UBAP1: variants seen among roughly 807,000 people sequenced by gnomAD.
The protein encoded by UBAP1 is ubiquitin associated protein 1.
Under a neutral mutation model 39.0 loss-of-function variants are expected in UBAP1, and 5 were observed. The ratio of observed to expected loss-of-function variants is 0.13; its 90% CI spans 0.07 to 0.27. The LOEUF (loss-of-function observed/expected upper bound fraction) is 0.27, where lower values mean the gene tolerates loss of function less well. Among genes scored for constraint, UBAP1 ranks in the 10% least tolerant of loss-of-function variants. The pLI is 1.00. For missense variants in UBAP1, 490 were observed against 608.1 expected (o/e 0.81, Z 2.04); for synonymous variants, 211 against 225.1 (o/e 0.94, Z 0.56).
chr9:34,187,973 TA>T (rs992368372), intron 1 of UBAP1, among the ~76,000 whole-genome samples: 13 of 152,148 alleles, frequency 8.5e-5, no homozygotes, highest in African/African-American at 2.9e-4. Context: ...TTAAAGCTGC[TA>T]AAAAACATTT....
intron 1 of UBAP1, among the ~76,000 whole-genome samples, chr9:34,202,027 A>ATCCT (rs1831401498): frequency 6.6e-6 from 1 of 152,058 alleles, no homozygotes; most frequent in Admixed American, 6.6e-5. Flanking sequence ...GACTTTCCAT[A>ATCCT]TCCTCCCTGG....
chr9:34,243,690 A>T (rs1048378070), intron 4 of UBAP1, among the ~76,000 whole-genome samples: 5 of 152,002 alleles, frequency 3.3e-5, no homozygotes, highest in African/African-American at 1.2e-4. Flanking sequence ...GGGTTTCGCC[A>T]TGTTGGCCAG....
chr9:34,182,322 T>A (rs146482576), intron 1 of UBAP1, among the ~76,000 whole-genome samples: 1 of 143,938 alleles, frequency 6.9e-6, no homozygotes, highest in Non-Finnish European at 1.5e-5. Context: ...GTAGCTGGGA[T>A]TACAGGCACC....
rs544239904 is a variant in UBAP1 at position 34,204,199 on chromosome 9, C to T, written c.-7-16709C>T. On this transcript the variant is annotated intron_variant, in intron 1 of 6. Transcript: ENST00000297661. ...AAAATTAGCTGGGTGTGATGGCCCA[C>T]GCCTGTAATCCCAGCTACTCGGGAG... is the stretch of plus-strand genomic sequence containing the variant. Among the ~76,000 whole-genome samples, 9 of 152,196 alleles carry T rather than the reference C, an allele frequency of 5.9e-5. No individual in the cohort carries two copies. In the East Asian group the frequency reaches 1.7e-3, roughly 29 times the overall value.
chr9:34,215,628 A>G (rs1310493429), intron 1 of UBAP1, among the ~76,000 whole-genome samples: 2 of 152,062 alleles, frequency 1.3e-5, no homozygotes, highest in Non-Finnish European at 2.9e-5. Flanking sequence ...ACAAATCACC[A>G]CTAAGGAACT....
At chr9:34,213,465 C>T (rs547231636) in intron 1 of UBAP1, among the ~76,000 whole-genome samples, 112 of 152,166 alleles carry the variant, frequency 7.4e-4, no homozygotes, top group Admixed American at 3.3e-3. Context: ...GAGCCGAGAT[C>T]GCACCATTGC....
chr9:34,231,127 A>ATGTGTGGTG (rs1410985520), intron 2 of UBAP1, among the ~76,000 whole-genome samples: 59 of 137,122 alleles, frequency 4.3e-4, no homozygotes, highest in African/African-American at 1.5e-3. Context: ...TAAAAAAATT[A>ATGTGTGGTG]TGTGTGTGTG....
At chr9:34,244,418 A>C (rs1587885195) in intron 4 of UBAP1, among the ~76,000 whole-genome samples, 1 of 117,962 alleles carries the variant, frequency 8.5e-6, no homozygotes, top group Non-Finnish European at 1.7e-5. Flanking sequence ...GTGTACGAGC[A>C]CCACATTTTT....
Position 34,202,631 on chromosome 9 carries a change from G to C in UBAP1, c.-7-18277G>C, listed in dbSNP as rs1415827454. ...AGAAGCTGTAGACAGAAACGTGTGT[G>C]TGTGTGTGTGTGTGTGTGTGTGTGT... On this transcript the variant is annotated intron_variant, in intron 1 of 6. Coordinates refer to ENST00000297661, the MANE Select transcript of UBAP1 (RefSeq NM_016525.5). Among the ~76,000 whole-genome samples, 60 of 93,258 alleles carry C rather than the reference G, an allele frequency of 6.4e-4. 6 individuals are homozygous for C. The highest frequency in any genetic ancestry group is 1.6e-3 in the Admixed American group (15 of 9,404). 61.2% of individuals were successfully genotyped at this position (93,258 alleles called of 152,430 possible). A position where few individuals can be genotyped will look rare whatever the true frequency, so the allele number is the denominator to read the frequency against.
intron 2 of UBAP1, among the ~76,000 whole-genome samples, chr9:34,226,279 G>A (rs912792672): frequency 5.3e-5 from 8 of 149,882 alleles, no homozygotes; most frequent in African/African-American, 2.0e-4. Flanking sequence ...GCCCATGCTG[G>A]AGTGCAGTGG....
rs1332592565 is a variant in UBAP1 at position 34,247,423 on chromosome 9, CTTA to C, written c.1084-2353_1084-2351del. ...ACAATTAATAAATATATCTTTTTTTCTTATTTATTTATTTATTTAGAGACGGTG... is the reference window on the plus strand; with the variant it reads ...ACAATTAATAAATATATCTTTTTTTCTTTATTTATTTATTTAGAGACGGTG... On this transcript the variant is annotated intron_variant, in intron 4 of 6. Transcript: ENST00000297661. 2.6e-5 allele frequency among the ~76,000 whole-genome samples: 4 copies of C among 151,646 alleles called. No individual in the cohort carries two copies. The East Asian group carries it at 7.7e-4, about 29-fold the overall frequency.
intron 2 of UBAP1, among the ~76,000 whole-genome samples, chr9:34,225,574 CAGACCA>C (rs1832999759): frequency 6.6e-6 from 1 of 151,412 alleles, no homozygotes; most frequent in African/African-American, 2.4e-5. Context: ...TCAGGAGATC[CAGACCA>C]TCCTGGCTAA....
At chr9:34,221,833 A>G (rs568634400) in intron 2 of UBAP1, among the ~76,000 whole-genome samples, 21 of 152,234 alleles carry the variant, frequency 1.4e-4, no homozygotes, top group Non-Finnish European at 1.5e-5. Flanking sequence ...TTTGGAGGGG[A>G]ATGGAGGGAG....
chr9:34,233,244 C>CA (rs1348270052), intron 2 of UBAP1, among the ~76,000 whole-genome samples: 1 of 127,944 alleles, frequency 7.8e-6, no homozygotes, highest in Non-Finnish European at 1.7e-5. Context: ...TTTTTTGAGA[C>CA]AGAGTCTTGC....
chr9:34,190,143 T>C (rs1830633233), intron 1 of UBAP1, among the ~76,000 whole-genome samples: 1 of 152,210 alleles, frequency 6.6e-6, no homozygotes, highest in Non-Finnish European at 1.5e-5. Flanking sequence ...AGTTTACCTA[T>C]GTAACAAACC....
Position 34,241,340 on chromosome 9 carries a change from C to T in UBAP1, c.315C>T (p.Ser105=). ...AGGGCGATAGCAAAATGAGCTTCTCCAAGACTCACAGTACAGCCACAATGC... is the reference window on the plus strand; with the variant it reads ...AGGGCGATAGCAAAATGAGCTTCTCTAAGACTCACAGTACAGCCACAATGC... The part of the protein sequence containing the change: ...GPEGDSKMSF[S]KTHSTATMPP... The change falls in exon 4 of 7, where the codon TCC becomes TCT. Residue 105 remains serine, a synonymous_variant. Coordinates refer to ENST00000297661, the MANE Select transcript of UBAP1 (RefSeq NM_016525.5). 6.6e-7 allele frequency: 1 copy of T among 1,523,244 alleles called. No homozygotes were observed. The highest frequency in any genetic ancestry group is 2.3e-5 in the East Asian group (1 of 44,150). 94.4% of individuals were successfully genotyped at this position (1,523,244 alleles called of 1,614,324 possible). A position where few individuals can be genotyped will look rare whatever the true frequency, so the allele number is the denominator to read the frequency against.
chr9:34,234,076 G>A, intron 2 of UBAP1, 140 bp from the exon 3 acceptor site: 1 of 790,530 alleles, frequency 1.3e-6, no homozygotes, highest in Non-Finnish European at 1.9e-6. Context: ...TCAAGGAAAA[G>A]GTAAGCAGTC....
rs375213854 is a variant in UBAP1, at chr9:34,249,868, C to T, written c.1173C>T (p.Ser391=). The T allele has an allele frequency of 1.7e-5, 27 of 1,614,072 alleles. No individual in the cohort carries two copies. Among genetic ancestry groups the T allele is most frequent in the African/African-American group, 2.7e-5 (2 of 74,920 alleles). The change falls in exon 5 of 7, where the codon AGC becomes AGT. Residue 391 remains serine, a synonymous_variant. Transcript: ENST00000297661. The stretch of plus-strand genomic sequence containing the variant: ...CTGAACTGCAGATGCTGTCCCCCAG[C>T]GAGCGGCAGTGTGTGGAGACGGTGG... ...AYSELQMLSP[S]ERQCVETVVN... is the part of the protein sequence containing the mutation.
At chr9:34,247,873 G>C (rs964395723) in intron 4 of UBAP1, among the ~76,000 whole-genome samples, 1 of 151,986 alleles carries the variant, frequency 6.6e-6, no homozygotes, top group African/African-American at 2.4e-5. Flanking sequence ...CATAAATATT[G>C]GTTTGCATTA....
Sources: gnomAD v4.1 joint callset for allele counts (sites outside exome capture counted in the v4.1 genomes callset) on GRCh38, gnomAD v4.1.1 for gene constraint, MANE v1.5 for transcripts, NCBI Gene and HGNC (gene_info 2026-07-23, HGNC 2026-07-21) for gene names.